ETV6: variants seen among roughly 807,000 people sequenced by gnomAD.
ETV6 encodes ETS variant transcription factor 6, also known as transcription factor ETV6.
A neutral mutation model predicts 51.1 loss-of-function variants in ETV6; 16 were observed. The observed-to-expected ratio is 0.31, with a 90% CI of 0.21 to 0.48. The LOEUF (loss-of-function observed/expected upper bound fraction) is 0.48. Among genes scored for constraint, ETV6 ranks in the 20% least tolerant of loss-of-function variants. The pLI is 0.99. For synonymous variants in ETV6, 240 were observed against 224.1 expected (o/e 1.07, Z -0.64); for missense variants, 458 against 594.8 (o/e 0.77, Z 2.39).
rs181831411 is a variant in ETV6 at position 11,672,884 on chromosome 12, G to A, written c.33+22724G>A. On this transcript the variant is annotated intron_variant, in intron 1 of 7. Coordinates refer to ENST00000396373, the MANE Select transcript of ETV6 (RefSeq NM_001987.5). ...GTTGATCAGAACCGTGGAAGAGTCC[G>A]GAGCAGATGCTCTGTGGGAAACCCT... 2.1e-3 allele frequency among the ~76,000 whole-genome samples: 320 copies of A among 152,326 alleles called. 11 individuals are homozygous for A. In the East Asian group the frequency reaches 0.049, roughly 24 times the overall value.
chr12:11,685,416 C>A (rs1338760381), intron 1 of ETV6, among the ~76,000 whole-genome samples: 1 of 151,948 alleles, frequency 6.6e-6, no homozygotes, highest in Non-Finnish European at 1.5e-5. Context: ...ACAGACCCTT[C>A]TTGTGTAATA....
rs529442961 is a variant in ETV6, at chr12:11,891,568, A to G, written c.*522A>G. On this transcript the variant is annotated 3_prime_UTR_variant, in exon 8 of 8. Transcript: ENST00000396373. The stretch of plus-strand genomic sequence containing the variant: ...TCCTCTTTTTCCTGCCACGTGGATC[A>G]GGTCTGTTCCTGTTACTGTTGGGTC... 2 of 534,966 alleles carry G rather than the reference A, an allele frequency of 3.7e-6. No individual in the cohort carries two copies. Among genetic ancestry groups the G allele is most frequent in the East Asian group, 3.9e-5 (1 of 25,666 alleles). 33.1% of individuals were successfully genotyped at this position (534,966 alleles called of 1,614,324 possible).
intron 2 of ETV6, among the ~76,000 whole-genome samples, chr12:11,829,335 C>T (rs796280531): frequency 1.3e-4 from 20 of 152,346 alleles, no homozygotes; most frequent in African/African-American, 4.8e-4. Context: ...GGGATCACCT[C>T]ATTTCATGCT....
intron 2 of ETV6, among the ~76,000 whole-genome samples, chr12:11,796,766 CTT>C (rs764589630): frequency 9.1e-5 from 13 of 143,496 alleles, no homozygotes; most frequent in East Asian, 2.0e-4. Flanking sequence ...TCTTCCTTTT[CTT>C]TTTTTTTTTT....
intron 2 of ETV6, among the ~76,000 whole-genome samples, chr12:11,759,108 C>T (rs946353432): frequency 1.3e-5 from 2 of 151,862 alleles, no homozygotes; most frequent in Non-Finnish European, 2.9e-5. Context: ...ATTCCTAGCT[C>T]CATGCTTCCT....
intron 5 of ETV6, among the ~76,000 whole-genome samples, chr12:11,877,618 C>T (rs1053347250): frequency 2.0e-5 from 3 of 152,190 alleles, no homozygotes; most frequent in African/African-American, 7.2e-5. Context: ...AGATGCCCTT[C>T]TGTAGACCTC....
chr12:11,747,367 C>G (rs1327675517), intron 1 of ETV6, among the ~76,000 whole-genome samples: 2 of 152,124 alleles, frequency 1.3e-5, no homozygotes, highest in African/African-American at 4.8e-5. Flanking sequence ...GGCCCCTATA[C>G]CATCTTGGAT....
At chr12:11,871,998 G>A (rs540977107) in intron 5 of ETV6, among the ~76,000 whole-genome samples, 1 of 152,328 alleles carries the variant, frequency 6.6e-6, no homozygotes, top group Admixed American at 6.5e-5. Context: ...GACCCATCTC[G>A]TGCTTTCCAG....
At chr12:11,875,902 A>C (rs552859115) in intron 5 of ETV6, among the ~76,000 whole-genome samples, 1 of 152,192 alleles carries the variant, frequency 6.6e-6, no homozygotes, top group Non-Finnish European at 1.5e-5. Flanking sequence ...AGTAGTTACA[A>C]CAGAGATTGC....
At chr12:11,801,068 G>C (rs1565531311) in intron 2 of ETV6, among the ~76,000 whole-genome samples, 1 of 152,194 alleles carries the variant, frequency 6.6e-6, no homozygotes, top group African/African-American at 2.4e-5. Context: ...GCAAAAGTGA[G>C]CTTTATTCAT....
rs561582931 is a variant in ETV6, at chr12:11,871,227, T to C, written c.1009+1258T>C. Among the ~76,000 whole-genome samples the C allele has an allele frequency of 6.0e-3, 899 of 151,080 alleles. 7 individuals are homozygous for C. Among genetic ancestry groups the C allele is most frequent in the African/African-American group, 0.02 (839 of 41,030 alleles). On this transcript the variant is annotated intron_variant, in intron 5 of 7. Transcript: ENST00000396373. ...TTTTTTTTTTTTTTCCACACTCTGT[T>C]GCCCAGGCTGGAGTGCAGTGACGGA...
chr12:11,852,510 C>A (rs764285754), intron 3 of ETV6, among the ~76,000 whole-genome samples: 2 of 152,098 alleles, frequency 1.3e-5, no homozygotes, highest in African/African-American at 2.4e-5. Context: ...GTTAAAAAGG[C>A]ATATTTTTCT....
intron 4 of ETV6, among the ~76,000 whole-genome samples, chr12:11,860,910 C>A (rs1946706949): frequency 6.6e-6 from 1 of 152,164 alleles, no homozygotes; most frequent in Non-Finnish European, 1.5e-5. Flanking sequence ...AGGGCCATTG[C>A]CTCCCTCACT....
At chr12:11,664,504 C>A (rs1259552979) in intron 1 of ETV6, among the ~76,000 whole-genome samples, 1 of 152,008 alleles carries the variant, frequency 6.6e-6, no homozygotes, top group Non-Finnish European at 1.5e-5. Context: ...GGGAGAACCG[C>A]CAAAAGAAGG....
chr12:11,870,440 G>T (rs1026945691), intron 5 of ETV6, among the ~76,000 whole-genome samples: 5 of 152,082 alleles, frequency 3.3e-5, no homozygotes, highest in Non-Finnish European at 2.9e-5. Context: ...CAGGATTATG[G>T]TATTGGAGGC....
At chr12:11,671,946 A>G (rs907576334) in intron 1 of ETV6, among the ~76,000 whole-genome samples, 1 of 151,952 alleles carries the variant, frequency 6.6e-6, no homozygotes, top group Non-Finnish European at 1.5e-5. Context: ...TGTGAAAAAA[A>G]AAAACACAAA....
chr12:11,721,671 C>T lies in ETV6; in HGVS notation c.34-30779C>T, dbSNP rs146749794. On this transcript the variant is annotated intron_variant, in intron 1 of 7. Transcript: ENST00000396373. ...AAGATACCCATGTAACAAACCTGCACACGTAAACCCTATGTCTAAAGTAAA... is the reference window on the plus strand; with the variant it reads ...AAGATACCCATGTAACAAACCTGCATACGTAAACCCTATGTCTAAAGTAAA... Among the ~76,000 whole-genome samples, 216 of 152,254 alleles carry T rather than the reference C, an allele frequency of 1.4e-3. 1 individual carries two copies. Among genetic ancestry groups the T allele is most frequent in the African/African-American group, 4.9e-3 (203 of 41,538 alleles).
At chr12:11,879,293 A>C (rs1487445254) in intron 5 of ETV6, among the ~76,000 whole-genome samples, 2 of 152,228 alleles carry the variant, frequency 1.3e-5, no homozygotes, top group Non-Finnish European at 2.9e-5. Flanking sequence ...CTTTCTTAGA[A>C]GCTTTCCTGA....
chr12:11,883,487 G>A (rs1947138563), intron 5 of ETV6, among the ~76,000 whole-genome samples: 1 of 151,478 alleles, frequency 6.6e-6, no homozygotes, highest in Non-Finnish European at 1.5e-5. Flanking sequence ...TAGAGACGGG[G>A]TTTCGCCACG....
Sources: allele counts gnomAD v4.1 joint callset (sites outside exome capture counted in the v4.1 genomes callset), GRCh38; gene constraint gnomAD v4.1.1; transcripts MANE v1.5; gene names NCBI Gene and HGNC (gene_info 2026-07-23, HGNC 2026-07-21).